The following PIGN variants were observed in gnomAD, a reference collection of about 807,000 sequenced individuals.
PIGN encodes phosphatidylinositol glycan anchor biosynthesis class N, also known as GPI ethanolamine phosphate transferase 1.
PIGN carries 117 observed loss-of-function variants against 125.4 expected under a neutral mutation model. The ratio of observed to expected loss-of-function variants is 0.93; its 90% CI spans 0.80 to 1.09. The LOEUF (loss-of-function observed/expected upper bound fraction) is 1.09. Ranked by LOEUF, PIGN falls within the 50% of genes least tolerant of loss-of-function variation. The pLI, the probability that PIGN is intolerant of heterozygous loss-of-function variation, is 0.00. For synonymous variants in PIGN, 392 were observed against 377.8 expected, an observed-to-expected ratio of 1.04 and a Z score of -0.44; for missense variants, 1,075 against 1,094.9, an observed-to-expected ratio of 0.98 and a Z score of 0.26.
intron 30 of PIGN, among the ~76,000 whole-genome samples, chr18:62,065,111 T>C (rs2032429432): frequency 6.6e-6 from 1 of 152,212 alleles, no homozygotes; most frequent in Admixed American, 6.5e-5. Context: ...TTTCTTTTTC[T>C]TTCTCTCTCT....
chr18:62,039,342 GCA>G (rs2030304262), downstream of PIGN, among the ~76,000 whole-genome samples: 2 of 152,040 alleles, frequency 1.3e-5, no homozygotes, highest in South Asian at 4.2e-4. Context: ...AACTACTAAG[GCA>G]CAGTTTTCAC....
intron 28 of PIGN, among the ~76,000 whole-genome samples, chr18:62,076,883 C>T (rs1158689199): frequency 1.3e-5 from 2 of 152,122 alleles, no homozygotes; most frequent in East Asian, 3.9e-4. Context: ...CAACCTTCTA[C>T]CTAAAGCATG....
chr18:62,110,862 T>C (rs1043877255), intron 16 of PIGN, among the ~76,000 whole-genome samples: 2 of 147,246 alleles, frequency 1.4e-5, no homozygotes, highest in African/African-American at 4.9e-5. Flanking sequence ...ATATAATACA[T>C]ATATATATAT....
chr18:62,021,706 C>T (rs2030056622), intron 23 of PIGN, among the ~76,000 whole-genome samples: 1 of 152,164 alleles, frequency 6.6e-6, no homozygotes, highest in Admixed American at 6.5e-5. Context: ...TACACCTTTC[C>T]TATTGCAGCA....
intron 23 of PIGN, among the ~76,000 whole-genome samples, chr18:62,092,630 A>T (rs2034013151): frequency 6.6e-6 from 1 of 152,138 alleles, no homozygotes; most frequent in South Asian, 2.1e-4. Context: ...GATCCAAAAT[A>T]GAACATGTAC....
intron 30 of PIGN, among the ~76,000 whole-genome samples, chr18:62,066,312 A>G (rs1452824415): frequency 6.6e-6 from 1 of 151,634 alleles, no homozygotes; most frequent in African/African-American, 2.4e-5. Context: ...CCACTGATCG[A>G]CTCTGTGACA....
intron 1 of PIGN, among the ~76,000 whole-genome samples, chr18:62,167,683 T>A (rs954507435): frequency 7.3e-5 from 10 of 136,874 alleles, no homozygotes; most frequent in African/African-American, 2.5e-4. Context: ...TAACACACTC[T>A]CTCTCTCTCT....
chr18:62,125,102 ACG>A (rs2035465473), intron 14 of PIGN, among the ~76,000 whole-genome samples: 1 of 146,610 alleles, frequency 6.8e-6, no homozygotes, highest in Non-Finnish European at 1.5e-5. Flanking sequence ...GTATATATAC[ACG>A]TTTGTACATA....
chr18:62,143,262 G>C (rs1420855533), intron 11 of PIGN, 44 bp downstream of exon 11: 1 of 999,604 alleles, frequency 1.0e-6, no homozygotes. Flanking sequence ...CCTTCTTATA[G>C]AAGATAAAAT....
At chr18:62,146,854 T>G in intron 9 of PIGN, 117 bp downstream of exon 9, 1 of 977,492 alleles carries the variant, frequency 1.0e-6, no homozygotes, top group Non-Finnish European at 1.5e-6. Flanking sequence ...CAGAATTATG[T>G]GCTAGACATT....
chr18:62,036,207 G>GT (rs377426262), downstream of PIGN, among the ~76,000 whole-genome samples: 4 of 151,578 alleles, frequency 2.6e-5, no homozygotes, highest in Non-Finnish European at 4.4e-5. Flanking sequence ...GGGAAGATGA[G>GT]TTTTTTTTCT....
intron 1 of PIGN, among the ~76,000 whole-genome samples, chr18:62,182,639 C>T (rs190077163): frequency 6.6e-6 from 1 of 152,296 alleles, no homozygotes; most frequent in African/African-American, 2.4e-5. Context: ...TACTCTAACC[C>T]TTCTCTGATC....
rs1186327334 is a variant in PIGN, at chr18:62,042,993, C to T, written c.*2863G>A. ...ATGCTACAAAGATATTGCCATAGTA[C>T]TGAAAGCACACAGCATAACAATCAT... On this transcript the variant is annotated 3_prime_UTR_variant, in exon 31 of 31. Transcript: ENST00000640252. The T allele has an allele frequency of 3.3e-5, 5 of 151,278 alleles. No individual in the cohort carries two copies. The allele number at this position is 151,278 out of a possible 1,614,324, so 9.4% of individuals were successfully genotyped here. A position where few individuals can be genotyped will look rare whatever the true frequency, so the allele number is the denominator to read the frequency against.
chr18:62,178,344 C>G (rs1172484334), intron 1 of PIGN, among the ~76,000 whole-genome samples: 1 of 151,832 alleles, frequency 6.6e-6, no homozygotes, highest in African/African-American at 2.4e-5. Context: ...CACTCTGCCC[C>G]CTTATGCTTG....
rs2030400542 is a variant in PIGN at position 62,042,059 on chromosome 18, GCC to G, written c.*3795_*3796del. ...TTTTCAGCTGGGTGAGGCAGCTCAC[GCC>G]TGTAATCCCAGCACTTTGGGAGGCC... is the stretch of plus-strand genomic sequence containing the variant. On this transcript the variant is annotated 3_prime_UTR_variant, in exon 31 of 31. Transcript: ENST00000640252. 1 of 152,046 alleles carries G rather than the reference GCC, an allele frequency of 6.6e-6. No individual in the cohort carries two copies. The highest frequency in any genetic ancestry group is 1.5e-5 in the Non-Finnish European group (1 of 68,030). 9.4% of individuals were successfully genotyped at this position (152,046 alleles called of 1,614,324 possible). A position where few individuals can be genotyped will look rare whatever the true frequency, so the allele number is the denominator to read the frequency against.
At chr18:62,075,875 A>G (rs1478084473) in intron 28 of PIGN, 2 of 152,126 alleles carry the variant, frequency 1.3e-5, no homozygotes, top group African/African-American at 2.4e-5. Flanking sequence ...TGATGCCACT[A>G]TTTGTTTTTA....
intron 30 of PIGN, among the ~76,000 whole-genome samples, chr18:62,050,314 G>T (rs1378939396): frequency 6.6e-6 from 1 of 151,874 alleles, no homozygotes; most frequent in African/African-American, 2.4e-5. Context: ...TCACGATATT[G>T]ATTCTTCCTA....
At chr18:62,155,412 G>GA (rs1421676242) in intron 6 of PIGN, among the ~76,000 whole-genome samples, 3 of 151,780 alleles carry the variant, frequency 2.0e-5, no homozygotes, top group African/African-American at 4.8e-5. Context: ...ACTAAAAAGA[G>GA]AAAAAAATTA....
intron 14 of PIGN, among the ~76,000 whole-genome samples, chr18:62,120,064 C>T (rs912926493): frequency 6.6e-6 from 1 of 151,954 alleles, no homozygotes; most frequent in African/African-American, 2.4e-5. Context: ...AAGAACTTTA[C>T]AAAACTAATG....
Sources: gnomAD v4.1 joint callset for allele counts (sites outside exome capture counted in the v4.1 genomes callset) on GRCh38, gnomAD v4.1.1 for gene constraint, MANE v1.5 for transcripts, NCBI Gene and HGNC (gene_info 2026-07-23, HGNC 2026-07-21) for gene names.